FNDC3B: variants seen among roughly 807,000 people sequenced by gnomAD.
The protein encoded by FNDC3B is fibronectin type III domain-containing protein 3B.
A neutral mutation model predicts 151.5 loss-of-function variants in FNDC3B; 12 were observed. The observed-to-expected ratio is 0.08, with a 90% CI of 0.05 to 0.13. The LOEUF (loss-of-function observed/expected upper bound fraction) is 0.13, where lower values mean the gene tolerates loss of function less well. Among genes scored for constraint, FNDC3B ranks in the 10% least tolerant of loss-of-function variants. The pLI is 1.00. For missense variants in FNDC3B, 1,214 were observed against 1,505.3 expected (o/e 0.81, Z 3.20); for synonymous variants, 528 against 549.0 (o/e 0.96, Z 0.54).
chr3:172,353,962 G>A (rs201049405), intron 22 of FNDC3B, among the ~76,000 whole-genome samples: 8 of 148,692 alleles, frequency 5.4e-5, no homozygotes, highest in African/African-American at 7.4e-5. Flanking sequence ...TGATCTTGGG[G>A]AAAAAAAAAA....
At chr3:172,346,207 G>C in intron 19 of FNDC3B, 120 bp from the exon 20 acceptor site, 3 of 487,256 alleles carry the variant, frequency 6.2e-6, no homozygotes, top group Non-Finnish European at 1.1e-5. Context: ...TTGTTAATTA[G>C]TTGTGTTGAT....
At chr3:172,307,552 T>G (rs1423166527) in intron 10 of FNDC3B, 51 bp downstream of exon 10, 1 of 1,597,694 alleles carries the variant, frequency 6.3e-7, no homozygotes, top group East Asian at 2.2e-5. Context: ...ATTAGCCAGG[T>G]GTGGTGGCAA....
chr3:172,194,868 A>C lies in FNDC3B; in HGVS notation c.188-32003A>C, dbSNP rs756466277. On this transcript the variant is annotated intron_variant, in intron 3 of 25. Coordinates refer to ENST00000415807, the MANE Select transcript of FNDC3B (RefSeq NM_022763.4). ...ACCATGGTGAATGGTTACTGTGACT[A>C]CCCTGTTGCTAAGAAACCTGTTATG... is the stretch of plus-strand genomic sequence containing the variant. 2.0e-5 allele frequency among the ~76,000 whole-genome samples: 3 copies of C among 152,230 alleles called. No homozygotes were observed. In the South Asian group the frequency reaches 6.2e-4, roughly 32 times the overall value.
intron 6 of FNDC3B, among the ~76,000 whole-genome samples, chr3:172,282,795 C>T (rs1191794963): frequency 1.3e-5 from 2 of 152,222 alleles, no homozygotes; most frequent in African/African-American, 2.4e-5. Flanking sequence ...CTTCATGATA[C>T]AGTCAAAGGT....
At chr3:172,319,789 C>T (rs187757629) in intron 11 of FNDC3B, among the ~76,000 whole-genome samples, 14 of 152,276 alleles carry the variant, frequency 9.2e-5, no homozygotes, top group Non-Finnish European at 1.5e-4. Context: ...TAGGATCAGC[C>T]GGTGCTGGAA....
At position 172,397,486 on chromosome 3, in the gene FNDC3B, A is replaced by G. The variant is rs753138278; in HGVS notation, c.*11A>G. ...TTCTTAATGAAGTAAACCCAACAAAACTAGAGGTATGAATTAATGCTACAC... is the reference window on the plus strand; with the variant it reads ...TTCTTAATGAAGTAAACCCAACAAAGCTAGAGGTATGAATTAATGCTACAC... On this transcript the variant is annotated 3_prime_UTR_variant, in exon 26 of 26. Transcript: ENST00000415807. The G allele has an allele frequency of 1.3e-6, 2 of 1,528,624 alleles. No homozygotes were observed. Among genetic ancestry groups the G allele is most frequent in the African/African-American group, 2.8e-5 (2 of 72,680 alleles). 94.7% of individuals were successfully genotyped at this position (1,528,624 alleles called of 1,614,324 possible).
intron 3 of FNDC3B, among the ~76,000 whole-genome samples, chr3:172,191,823 G>C (rs753798570): frequency 6.6e-6 from 1 of 152,096 alleles, no homozygotes; most frequent in Admixed American, 6.5e-5. Flanking sequence ...TTGCAGCAGG[G>C]AAAATGAGGT....
chr3:172,054,246 G>A (rs1576821276), intron 1 of FNDC3B, among the ~76,000 whole-genome samples: 1 of 152,318 alleles, frequency 6.6e-6, no homozygotes. Context: ...AAGGACTAGA[G>A]GGTGTCTATC....
Position 172,168,854 on chromosome 3 carries a change from A to G in FNDC3B, c.187+35308A>G, listed in dbSNP as rs148654423. ...CAGCCTCCCGAGTAGCTGGGACTAC[A>G]GGCGGCGCCACCACTCCCGGCTAAT... On this transcript the variant is annotated intron_variant, in intron 3 of 25. Coordinates refer to ENST00000415807, the MANE Select transcript of FNDC3B (RefSeq NM_022763.4). Among the ~76,000 whole-genome samples the G allele has an allele frequency of 4.5e-3, 677 of 151,046 alleles. 4 individuals are homozygous for G. The highest frequency in any genetic ancestry group is 0.016 in the African/African-American group (640 of 41,058).
At chr3:172,273,140 A>C (rs1297669928) in intron 6 of FNDC3B, among the ~76,000 whole-genome samples, 4 of 152,242 alleles carry the variant, frequency 2.6e-5, no homozygotes, top group Non-Finnish European at 5.9e-5. Flanking sequence ...ATTTCATTTC[A>C]GAAACCAACT....
intron 3 of FNDC3B, among the ~76,000 whole-genome samples, chr3:172,158,852 C>T (rs895199961): frequency 3.9e-5 from 6 of 152,156 alleles, no homozygotes; most frequent in Non-Finnish European, 7.3e-5. Flanking sequence ...TTCTCTTTCT[C>T]CTCCTCCTTC....
At position 172,071,254 on chromosome 3, in the gene FNDC3B, C is replaced by T. The variant is rs146097537; in HGVS notation, c.-29+31483C>T. ...TTTCAAATAGGCTAAATATAGTATA[C>T]CCTAAGCTTACTCAATCGTTAGTTT... On this transcript the variant is annotated intron_variant, in intron 1 of 25. Transcript: ENST00000415807. Among the ~76,000 whole-genome samples the T allele has an allele frequency of 2.6e-3, 389 of 152,246 alleles. 3 individuals are homozygous for T. Among genetic ancestry groups the T allele is most frequent in the African/African-American group, 9.1e-3 (379 of 41,554 alleles).
Position 172,152,504 on chromosome 3 carries a change from A to G in FNDC3B, c.187+18958A>G, listed in dbSNP as rs186395913. Among the ~76,000 whole-genome samples the G allele has an allele frequency of 2.0e-5, 3 of 150,478 alleles. No individual in the cohort carries two copies. The East Asian group carries it at 5.8e-4, about 29-fold the overall frequency. ...ATTCTCCGTACCCTTCATGTCCTCAACTACTCCCTGTCTTCACCTCCTGTT... is the reference window on the plus strand; with the variant it reads ...ATTCTCCGTACCCTTCATGTCCTCAGCTACTCCCTGTCTTCACCTCCTGTT... On this transcript the variant is annotated intron_variant, in intron 3 of 25. Transcript: ENST00000415807.
Position 172,190,399 on chromosome 3 carries a change from A to G in FNDC3B, c.188-36472A>G, listed in dbSNP as rs188812656. Among the ~76,000 whole-genome samples, 211 of 152,340 alleles carry G rather than the reference A, an allele frequency of 1.4e-3. 1 individual carries two copies. The highest frequency in any genetic ancestry group is 3.4e-3 in the Middle Eastern group (1 of 294). ...CAGCTATGGGAGTTATCAGAAGGTG[A>G]TGTAGAAATGCTTTTAGTGTTCTTC... On this transcript the variant is annotated intron_variant, in intron 3 of 25. Coordinates refer to ENST00000415807, the MANE Select transcript of FNDC3B (RefSeq NM_022763.4).
chr3:172,256,071 G>C (rs569654790), intron 6 of FNDC3B, among the ~76,000 whole-genome samples: 9 of 152,306 alleles, frequency 5.9e-5, no homozygotes, highest in African/African-American at 2.2e-4. Flanking sequence ...GAACCTTTGT[G>C]GTGCTCCCCA....
intron 4 of FNDC3B, among the ~76,000 whole-genome samples, chr3:172,238,811 A>G (rs902458177): frequency 6.6e-6 from 1 of 152,194 alleles, no homozygotes; most frequent in African/African-American, 2.4e-5. Context: ...TCAGCCTCCT[A>G]TAGGATTAAA....
chr3:172,101,596 G>A (rs1411915991), intron 1 of FNDC3B, among the ~76,000 whole-genome samples: 1 of 152,076 alleles, frequency 6.6e-6, no homozygotes, highest in African/African-American at 2.4e-5. Flanking sequence ...CCTTCAACCT[G>A]CTTTATACTT....
intron 3 of FNDC3B, among the ~76,000 whole-genome samples, chr3:172,134,893 T>C (rs1054780263): frequency 1.3e-5 from 2 of 151,916 alleles, no homozygotes; most frequent in African/African-American, 4.8e-5. Context: ...TATTTTTAAA[T>C]AGTATGGACT....
intron 24 of FNDC3B, 84 bp downstream of exon 24, chr3:172,378,520 T>G (rs1735273851): frequency 6.7e-6 from 8 of 1,199,954 alleles, no homozygotes; most frequent in Admixed American, 2.8e-5. Flanking sequence ...TTTTCTGATG[T>G]TAAATATAAT....
Sources: allele counts gnomAD v4.1 joint callset (sites outside exome capture counted in the v4.1 genomes callset), GRCh38; gene constraint gnomAD v4.1.1; transcripts MANE v1.5; gene names NCBI Gene and HGNC (gene_info 2026-07-23, HGNC 2026-07-21).